ATAD2B: variants seen among roughly 807,000 people sequenced by gnomAD.
The protein encoded by ATAD2B is ATPase family AAA domain-containing protein 2B.
ATAD2B carries 40 observed loss-of-function variants against 167.6 expected under a neutral mutation model. That is an observed-to-expected ratio of 0.24 (90% CI 0.19 to 0.31). ATAD2B has a LOEUF of 0.31. ATAD2B is among the 10% of genes least tolerant of loss of function. ATAD2B has a pLI of 1.00. For synonymous variants in ATAD2B, 579 were observed against 596.5 expected, an observed-to-expected ratio of 0.97 and a Z score of 0.43; for missense variants, 1,242 against 1,757.2, an observed-to-expected ratio of 0.71 and a Z score of 5.24.
At chr2:23,748,405 C>T (rs1653686194), downstream of ATAD2B, among the ~76,000 whole-genome samples, 1 of 152,146 alleles carries the variant, frequency 6.6e-6, no homozygotes, top group African/African-American at 2.4e-5. Context: ...AAAAACAAAT[C>T]TCAGAAGTAA....
chr2:23,857,306 T>C (rs1296917697), intron 13 of ATAD2B, 109 bp downstream of exon 13: 2 of 590,426 alleles, frequency 3.4e-6, no homozygotes, highest in South Asian at 2.4e-5. Flanking sequence ...CAGACACAGA[T>C]TGTTTTAAAT....
the ATAD2B span, among the ~76,000 whole-genome samples, chr2:23,687,982 C>G: frequency 1.3e-4 from 20 of 152,076 alleles, no homozygotes; most frequent in African/African-American, 4.8e-4. Flanking sequence ...GGCTTGGCTG[C>G]CCCCCATGGC....
intron 10 of ATAD2B, among the ~76,000 whole-genome samples, 174 bp from the exon 11 acceptor site, chr2:23,865,098 T>C (rs1181910869): frequency 6.6e-6 from 1 of 152,138 alleles, no homozygotes; most frequent in African/African-American, 2.4e-5. Flanking sequence ...CAAGTTTACA[T>C]TTCAGTTCAG....
chr2:23,701,931 G>A, the ATAD2B span, among the ~76,000 whole-genome samples: 1 of 151,720 alleles, frequency 6.6e-6, no homozygotes, highest in African/African-American at 2.4e-5. Flanking sequence ...CGGGTAGCTG[G>A]GTAGCTGGGT....
At position 23,808,068 on chromosome 2, in the gene ATAD2B, A is replaced by AAGTAATTAT. The variant is rs1553398208; in HGVS notation, c.2454+2247_2454+2248insATAATTACT. Reference sequence around the variant, plus strand: ...TTATATATAAGTAACTATAAATTATAATATATAAGTAATTATATATATAAT... The same window carrying AAGTAATTAT: ...TTATATATAAGTAACTATAAATTATAAGTAATTATATATATAAGTAATTATATATATAAT... On this transcript the variant is annotated intron_variant, in intron 18 of 27. Transcript: ENST00000238789. Among the ~76,000 whole-genome samples the AAGTAATTAT allele has an allele frequency of 1.3e-4, 8 of 60,920 alleles. No homozygotes were observed. In the South Asian group the frequency reaches 3.3e-3, roughly 25 times the overall value. The allele number at this position is 60,920 out of a possible 152,430, so 40.0% of individuals were successfully genotyped here. A position where few individuals can be genotyped will look rare whatever the true frequency, so the allele number is the denominator to read the frequency against.
chr2:23,887,814 A>G lies in ATAD2B; in HGVS notation c.572+18T>C. ...ACCAAATAATTAAATGAAACTGCTT[A>G]ATACTTGGCATTCATACCTATTTAC... is the stretch of plus-strand genomic sequence containing the variant. On this transcript the variant is annotated intron_variant, in intron 4 of 27. Transcript: ENST00000238789. 6.4e-7 allele frequency: 1 copy of G among 1,558,312 alleles called. No individual in the cohort carries two copies. The highest frequency in any genetic ancestry group is 8.6e-7 in the Non-Finnish European group (1 of 1,157,364).
At chr2:23,844,916 C>T (rs1431443146) in intron 13 of ATAD2B, among the ~76,000 whole-genome samples, 4 of 150,222 alleles carry the variant, frequency 2.7e-5, no homozygotes, top group Non-Finnish European at 3.0e-5. Flanking sequence ...AAAACTCCAC[C>T]AAGATATATC....
chr2:23,915,457 A>G (rs56222176), intron 1 of ATAD2B, among the ~76,000 whole-genome samples: 11,844 of 150,758 alleles, frequency 0.079, 601 homozygotes, highest in South Asian at 0.11. Context: ...AAAAAAAAAA[A>G]TCCAACTCAC....
At chr2:23,922,471 AATG>A (rs1320174988) in intron 1 of ATAD2B, among the ~76,000 whole-genome samples, 1 of 150,426 alleles carries the variant, frequency 6.6e-6, no homozygotes, top group Non-Finnish European at 1.5e-5. Context: ...CATTGTGGGT[AATG>A]ATAAGAGAGG....
At chr2:23,681,112 A>G in the ATAD2B span, among the ~76,000 whole-genome samples, 1 of 152,248 alleles carries the variant, frequency 6.6e-6, no homozygotes, top group Admixed American at 6.5e-5. This position sits in a 1 kb window ranked among gnomAD's most constrained non-coding sequence, Gnocchi z 4.2. Flanking sequence ...CCCCACCGAC[A>G]GGCACAGCCT....
chr2:23,878,813 G>T (rs1697433206), intron 7 of ATAD2B, among the ~76,000 whole-genome samples: 1 of 151,852 alleles, frequency 6.6e-6, no homozygotes, highest in Non-Finnish European at 1.5e-5. Flanking sequence ...AACATATAAG[G>T]AATCTCAAAA....
At chr2:23,795,372 C>G (rs1337489013) in intron 19 of ATAD2B, among the ~76,000 whole-genome samples, 1 of 152,044 alleles carries the variant, frequency 6.6e-6, no homozygotes, top group East Asian at 1.9e-4. Flanking sequence ...GTTGCCCAGG[C>G]TGGAGTACAG....
the ATAD2B span, among the ~76,000 whole-genome samples, chr2:23,742,014 A>C: frequency 1.3e-5 from 2 of 152,200 alleles, no homozygotes; most frequent in African/African-American, 4.8e-5. Context: ...ATACCATCTC[A>C]CACCAGTTGG....
chr2:23,678,525 C>T, the ATAD2B span, among the ~76,000 whole-genome samples: 10 of 152,278 alleles, frequency 6.6e-5, no homozygotes, highest in South Asian at 2.1e-4. Context: ...ACATTTAGAC[C>T]GGCCAGTCTC....
At position 23,894,109 on chromosome 2, in the gene ATAD2B, C is replaced by T. The variant is rs555150646; in HGVS notation, c.368+1710G>A. On this transcript the variant is annotated intron_variant, in intron 2 of 27. Transcript: ENST00000238789. Reference sequence around the variant, plus strand: ...AAAGAAATATCTCACTCTACGGTACCTAAATGATTCCTAAATGGAAGCATA... The same window carrying T: ...AAAGAAATATCTCACTCTACGGTACTTAAATGATTCCTAAATGGAAGCATA... 7.2e-5 allele frequency among the ~76,000 whole-genome samples: 11 copies of T among 152,178 alleles called. No individual in the cohort carries two copies. The East Asian group carries it at 2.1e-3, about 29-fold the overall frequency.
chr2:23,849,263 CCACA>C (rs1692182823), intron 13 of ATAD2B, among the ~76,000 whole-genome samples: 1 of 152,030 alleles, frequency 6.6e-6, no homozygotes, highest in Admixed American at 6.6e-5. Context: ...AAAAAATATA[CCACA>C]CAAACAGCAT....
intron 24 of ATAD2B, among the ~76,000 whole-genome samples, chr2:23,759,319 A>G (rs1444176816): frequency 6.6e-6 from 1 of 152,214 alleles, no homozygotes; most frequent in Non-Finnish European, 1.5e-5. Context: ...TTTAAAGAAA[A>G]TATAAATATG....
Position 23,857,439 on chromosome 2 carries a change from G to T in ATAD2B, c.1544C>A (p.Ser515Tyr). Residue 515 changes from serine to tyrosine, a missense_variant, in exon 13 of 28, where the codon TCT (serine) becomes TAT (tyrosine). By Grantham distance (144) the Ser-to-Tyr change is moderately radical. This residue lies in a region of ATAD2B where 151 missense variants were observed against 284.1 expected (regional missense o/e 0.53). Transcript: ENST00000238789. The part of the protein sequence containing the change: ...DEIDGLAPVR[S>Y]SRQDQIHSSI... ...CCTGTGGATCTGATCTTGTCTGCTA[G>T]AGCGAACTGGAGCTAATCCATCTAT... 1 of 1,517,120 alleles carries T rather than the reference G, an allele frequency of 6.6e-7. No individual in the cohort carries two copies. The highest frequency in any genetic ancestry group is 1.4e-5 in the South Asian group (1 of 72,844). The allele number at this position is 1,517,120 out of a possible 1,614,324, so 94.0% of individuals were successfully genotyped here.
the ATAD2B span, among the ~76,000 whole-genome samples, chr2:23,688,082 G>A: frequency 6.6e-6 from 1 of 152,190 alleles, no homozygotes; most frequent in Non-Finnish European, 1.5e-5. Context: ...CACCTCGGTA[G>A]AGTGGACAGG....
Sources: allele counts gnomAD v4.1 joint callset (sites outside exome capture counted in the v4.1 genomes callset), GRCh38; gene constraint gnomAD v4.1.1; regional missense constraint gnomAD v4.1.1; non-coding constraint Gnocchi (gnomAD v3.1); transcripts MANE v1.5; gene names NCBI Gene and HGNC (gene_info 2026-07-23, HGNC 2026-07-21).